The following GRID2 variants were observed in gnomAD, a reference collection of about 807,000 sequenced individuals.
GRID2 encodes the protein glutamate receptor ionotropic, delta-2.
A neutral mutation model predicts 114.8 loss-of-function variants in GRID2; 33 were observed. The observed-to-expected ratio is 0.29, with a 90% confidence interval of 0.22 to 0.38. The LOEUF (loss-of-function observed/expected upper bound fraction) is 0.38, where lower values mean the gene tolerates loss of function less well. GRID2 is among the 10% of genes least tolerant of loss of function. The pLI is 1.00. For synonymous variants in GRID2, 505 were observed against 449.9 expected (o/e 1.12, Z -1.55); for missense variants, 1,184 against 1,257.7 (o/e 0.94, Z 0.89).
chr4:92,511,812 A>G (rs141786615), intron 1 of GRID2, among the ~76,000 whole-genome samples: 74 of 152,012 alleles, frequency 4.9e-4, no homozygotes, highest in Non-Finnish European at 9.0e-4. Flanking sequence ...TTGAAATAAA[A>G]TACACATAAT....
chr4:93,701,873 C>A (rs1461334980), intron 14 of GRID2, among the ~76,000 whole-genome samples: 1 of 151,800 alleles, frequency 6.6e-6, no homozygotes, highest in Admixed American at 6.6e-5. Context: ...AAATTTAAGA[C>A]AGTTTATTAA....
intron 14 of GRID2, among the ~76,000 whole-genome samples, chr4:93,672,527 G>T (rs1052237455): frequency 2.0e-5 from 3 of 152,162 alleles, no homozygotes; most frequent in African/African-American, 7.2e-5. Flanking sequence ...GCTTCCATTT[G>T]TACTTTCACC....
At chr4:92,453,798 A>T (rs921752023) in intron 1 of GRID2, among the ~76,000 whole-genome samples, 3 of 152,190 alleles carry the variant, frequency 2.0e-5, no homozygotes, top group Non-Finnish European at 4.4e-5. Flanking sequence ...AGTAGAAAAC[A>T]TTTAAGCTAT....
intron 2 of GRID2, among the ~76,000 whole-genome samples, chr4:92,699,272 A>G (rs1487741625): frequency 6.6e-6 from 1 of 152,168 alleles, no homozygotes; most frequent in Non-Finnish European, 1.5e-5. Context: ...TCACTGGGAA[A>G]GGAAATAAAC....
At chr4:92,908,561 C>CAAAAAAAAAAAAAAAAAAAAAA (rs762037449) in intron 2 of GRID2, among the ~76,000 whole-genome samples, 1 of 35,996 alleles carries the variant, frequency 2.8e-5, no homozygotes, top group African/African-American at 8.9e-5. Context: ...GACTCCATCT[C>CAAAAAAAAAAAAAAAAAAAAAA]AAAAAAAAAA....
In GRID2 at chr4:92,616,846, T is replaced by A. The variant is rs534629073; in HGVS notation, c.244+26560T>A. On this transcript the variant is annotated intron_variant, in intron 2 of 15. Coordinates refer to ENST00000282020, the MANE Select transcript of GRID2 (RefSeq NM_001510.4). The stretch of plus-strand genomic sequence containing the variant: ...TTGTTTGCTTTTTTGATTGCTGTTT[T>A]TTTCTAGAGAATCATTCTCTGCTAA... 2.6e-5 allele frequency among the ~76,000 whole-genome samples: 4 copies of A among 151,720 alleles called. No individual in the cohort carries two copies. In the East Asian group the frequency reaches 7.8e-4, roughly 30 times the overall value.
At chr4:93,190,914 G>T (rs1458565726) in intron 4 of GRID2, among the ~76,000 whole-genome samples, 1 of 151,858 alleles carries the variant, frequency 6.6e-6, no homozygotes, top group African/African-American at 2.4e-5. Flanking sequence ...ATATGATTTA[G>T]AATTTTTGAA....
intron 8 of GRID2, among the ~76,000 whole-genome samples, chr4:93,263,397 T>C (rs1044863078): frequency 6.6e-6 from 1 of 152,050 alleles, no homozygotes; most frequent in Non-Finnish European, 1.5e-5. Context: ...GTGGTTTGAA[T>C]ATTTACAATT....
intron 13 of GRID2, among the ~76,000 whole-genome samples, chr4:93,527,595 G>A (rs1396758347): frequency 6.6e-6 from 1 of 151,766 alleles, no homozygotes; most frequent in Non-Finnish European, 1.5e-5. Context: ...ATAAAAATTG[G>A]CTTGTAATAT....
At chr4:92,596,367 A>G (rs1728953720) in intron 2 of GRID2, among the ~76,000 whole-genome samples, 2 of 152,156 alleles carry the variant, frequency 1.3e-5, no homozygotes, top group South Asian at 4.1e-4. Context: ...TGGACCATCT[A>G]CATGTGTGAA....
chr4:92,692,645 G>A (rs1734231622), intron 2 of GRID2, among the ~76,000 whole-genome samples: 1 of 152,226 alleles, frequency 6.6e-6, no homozygotes, highest in South Asian at 2.1e-4. Context: ...AATGTTTACA[G>A]TATATTTGGG....
intron 1 of GRID2, among the ~76,000 whole-genome samples, chr4:92,526,745 C>A (rs1324322147): frequency 1.3e-5 from 2 of 151,910 alleles, no homozygotes; most frequent in Non-Finnish European, 2.9e-5. Flanking sequence ...CACACACACA[C>A]ACACAAACAC....
intron 1 of GRID2, among the ~76,000 whole-genome samples, chr4:92,339,855 G>C (rs1727384737): frequency 6.6e-6 from 1 of 152,118 alleles, no homozygotes; most frequent in Non-Finnish European, 1.5e-5. Context: ...CTGCTTATCT[G>C]GTTTCTTGCC....
chr4:93,714,493 C>G (rs1045108949), intron 14 of GRID2, among the ~76,000 whole-genome samples: 2 of 152,146 alleles, frequency 1.3e-5, no homozygotes, highest in Non-Finnish European at 2.9e-5. Flanking sequence ...ATTTCTGCCG[C>G]TAGGTCTTTA....
chr4:93,062,594 T>A (rs1036033774), intron 2 of GRID2, among the ~76,000 whole-genome samples: 2 of 152,050 alleles, frequency 1.3e-5, no homozygotes, highest in African/African-American at 4.8e-5. Flanking sequence ...TCCTCCTGAT[T>A]TTTTTTGTCT....
intron 8 of GRID2, among the ~76,000 whole-genome samples, chr4:93,294,512 C>G (rs1235158361): frequency 2.0e-5 from 3 of 152,032 alleles, no homozygotes; most frequent in Non-Finnish European, 4.4e-5. Context: ...GAAAAAACAT[C>G]TAGGATATTA....
rs368457642 is a variant in GRID2 at position 93,019,617 on chromosome 4, CTCT to C, written c.245-65376_245-65374del. Among the ~76,000 whole-genome samples, 14 of 152,260 alleles carry C rather than the reference CTCT, an allele frequency of 9.2e-5. No homozygotes were observed. In the East Asian group the frequency reaches 2.1e-3, roughly 23 times the overall value. On this transcript the variant is annotated intron_variant, in intron 2 of 15. Transcript: ENST00000282020. Reference sequence around the variant, plus strand: ...GCAGAAGATAGTCAGACTAGTAGGACTCTTGAGGAGGCTCTCCTACCCTCACTC... The same window carrying C: ...GCAGAAGATAGTCAGACTAGTAGGACTGAGGAGGCTCTCCTACCCTCACTC...
intron 2 of GRID2, among the ~76,000 whole-genome samples, chr4:92,812,276 G>T (rs2149379934): frequency 6.6e-6 from 1 of 152,150 alleles, no homozygotes; most frequent in East Asian, 1.9e-4. Context: ...AAATCACTCT[G>T]ATTTAATATT....
intron 1 of GRID2, among the ~76,000 whole-genome samples, chr4:92,450,773 T>A (rs1354702378): frequency 6.6e-6 from 1 of 150,850 alleles, no homozygotes; most frequent in Non-Finnish European, 1.5e-5. Flanking sequence ...AGTTTTTATG[T>A]GTAAAAGTGT....
Sources: allele counts gnomAD v4.1 joint callset (sites outside exome capture counted in the v4.1 genomes callset), GRCh38; gene constraint gnomAD v4.1.1; transcripts MANE v1.5; gene names NCBI Gene and HGNC (gene_info 2026-07-23, HGNC 2026-07-21).